The following CES5A variants were observed in gnomAD, a reference collection of about 807,000 sequenced individuals.
CES5A encodes carboxylesterase 5.
In CES5A, 67 loss-of-function variants were observed where a neutral mutation model predicts 62.9. The ratio of observed to expected loss-of-function variants is 1.07; its 90% confidence interval spans 0.88 to 1.31. The LOEUF is 1.31. CES5A is among the 50% of genes most tolerant of loss of function. The pLI, the probability that CES5A is intolerant of heterozygous loss-of-function variation, is 0.00. For missense variants in CES5A, 748 were observed against 708.5 expected (o/e 1.06, Z -0.63); for synonymous variants, 296 against 280.8 (o/e 1.05, Z -0.54).
chr16:55,922,907 AT>A (rs1199269797), intron 1 of CES5A, among the ~76,000 whole-genome samples: 1 of 151,876 alleles, frequency 6.6e-6, no homozygotes, highest in African/African-American at 2.4e-5. Flanking sequence ...CTTTACAAAC[AT>A]GTGGAAATTA....
chr16:55,924,064 G>A (rs1436195817), intron 1 of CES5A, among the ~76,000 whole-genome samples: 26 of 151,702 alleles, frequency 1.7e-4, no homozygotes, highest in African/African-American at 4.4e-4. Context: ...AGCCCTGGCC[G>A]GAGTAATTAG....
At chr16:55,862,285 G>T (rs2033367626) in intron 6 of CES5A, among the ~76,000 whole-genome samples, 1 of 152,122 alleles carries the variant, frequency 6.6e-6, no homozygotes, top group Non-Finnish European at 1.5e-5. Context: ...GATACTCTGA[G>T]AATCCAGTCA....
chr16:55,948,462 G>A (rs935447957), intron 2 of CES5A, among the ~76,000 whole-genome samples: 3 of 152,072 alleles, frequency 2.0e-5, no homozygotes, highest in Non-Finnish European at 2.9e-5. Flanking sequence ...CGGGGTAGGC[G>A]GTGGAAGGGG....
chr16:55,873,097 G>A (rs1229675252), intron 2 of CES5A, among the ~76,000 whole-genome samples: 1 of 152,094 alleles, frequency 6.6e-6, no homozygotes, highest in African/African-American at 2.4e-5. Context: ...AACCCATGTG[G>A]CCCAACCTGA....
At chr16:55,887,347 A>T (rs1399545265) in intron 1 of CES5A, among the ~76,000 whole-genome samples, 1 of 148,260 alleles carries the variant, frequency 6.7e-6, no homozygotes, top group Non-Finnish European at 1.5e-5. Flanking sequence ...CTGCTGCCTG[A>T]TGACTTCAGA....
chr16:55,848,056 A>G (rs1360121559), intron 11 of CES5A, among the ~76,000 whole-genome samples: 2 of 152,042 alleles, frequency 1.3e-5, no homozygotes, highest in East Asian at 3.9e-4. Flanking sequence ...CATTATAGGC[A>G]TGAGCCACCA....
intron 1 of CES5A, among the ~76,000 whole-genome samples, chr16:55,887,313 A>G (rs140527477): frequency 4.6e-5 from 7 of 151,048 alleles, no homozygotes; most frequent in Non-Finnish European, 1.0e-4. Context: ...CCCAACAAAG[A>G]GTCCACTGAA....
chr16:55,917,725 G>A (rs1245054918), intron 1 of CES5A, among the ~76,000 whole-genome samples: 2 of 152,122 alleles, frequency 1.3e-5, no homozygotes, highest in South Asian at 2.1e-4. Flanking sequence ...CTGCTTGCTA[G>A]AAGTGAGTCA....
chr16:55,847,182 T>G (rs2033031491), intron 11 of CES5A, among the ~76,000 whole-genome samples: 1 of 151,906 alleles, frequency 6.6e-6, no homozygotes, highest in South Asian at 2.1e-4. Flanking sequence ...CTTCCTTCTC[T>G]CCATCCTCTC....
intron 1 of CES5A, among the ~76,000 whole-genome samples, chr16:55,920,057 A>G (rs966728237): frequency 6.6e-6 from 1 of 152,170 alleles, no homozygotes; most frequent in Non-Finnish European, 1.5e-5. Context: ...GGATACAAAA[A>G]ACAAATATAA....
At chr16:55,905,300 T>C (rs1335571156) in intron 1 of CES5A, among the ~76,000 whole-genome samples, 1 of 151,970 alleles carries the variant, frequency 6.6e-6, no homozygotes, top group African/African-American at 2.4e-5. Context: ...CTAGGGGTCC[T>C]CTGCTTCCCA....
intron 1 of CES5A, among the ~76,000 whole-genome samples, 155 bp from the exon 2 acceptor site, chr16:55,874,192 T>C (rs2033654444): frequency 6.6e-6 from 1 of 152,216 alleles, no homozygotes; most frequent in African/African-American, 2.4e-5. Context: ...TCCAGTTCCA[T>C]GGCTTTTTCC....
chr16:55,863,214 G>T (rs1597118558), intron 6 of CES5A, 134 bp downstream of exon 6: 4 of 659,554 alleles, frequency 6.1e-6, no homozygotes, highest in Admixed American at 2.4e-5. Flanking sequence ...GAGGAACAAG[G>T]TTCACCTTGG....
chr16:55,901,102 G>A (rs1483728701), intron 1 of CES5A, among the ~76,000 whole-genome samples: 2 of 152,140 alleles, frequency 1.3e-5, no homozygotes, highest in African/African-American at 4.8e-5. Flanking sequence ...CCTGGGGGAA[G>A]GCAATTGAAT....
At chr16:55,882,338 A>G (rs1174281767) in intron 1 of CES5A, among the ~76,000 whole-genome samples, 5 of 152,218 alleles carry the variant, frequency 3.3e-5, no homozygotes, top group Admixed American at 6.5e-5. Flanking sequence ...ACCAGGACCC[A>G]CTAATGCACA....
intron 8 of CES5A, among the ~76,000 whole-genome samples, chr16:55,859,001 C>G (rs765072590): frequency 5.3e-5 from 8 of 152,178 alleles, no homozygotes; most frequent in Admixed American, 2.0e-4. Context: ...TCTTATCTGT[C>G]TCTCCCCACC....
chr16:55,904,423 G>T (rs16955861), intron 1 of CES5A, among the ~76,000 whole-genome samples: 2,110 of 152,248 alleles, frequency 0.014, 63 homozygotes, highest in African/African-American at 0.048. Context: ...AAGAGAATTT[G>T]TGACTTCATA....
At chr16:55,947,875 G>A (rs1438219271) in intron 2 of CES5A, among the ~76,000 whole-genome samples, 1 of 151,970 alleles carries the variant, frequency 6.6e-6, no homozygotes, top group Non-Finnish European at 1.5e-5. Context: ...AAACAGCCTT[G>A]GGGGCCATGG....
intron 2 of CES5A, among the ~76,000 whole-genome samples, chr16:55,944,675 G>C (rs567597995): frequency 6.6e-6 from 1 of 152,112 alleles, no homozygotes; most frequent in Non-Finnish European, 1.5e-5. Flanking sequence ...CTAACTGTTC[G>C]GCCTGAAAAA....
Sources: allele counts gnomAD v4.1 joint callset (sites outside exome capture counted in the v4.1 genomes callset), GRCh38; gene constraint gnomAD v4.1.1; transcripts MANE v1.5; gene names NCBI Gene and HGNC (gene_info 2026-07-23, HGNC 2026-07-21).